Variants in ANKS1B observed in about 807,000 individuals in gnomAD.
ANKS1B encodes the protein ankyrin repeat and sterile alpha motif domain containing 1B, also known as ankyrin repeat and sterile alpha motif domain-containing protein 1B.
Under a neutral mutation model 148.3 loss-of-function variants are expected in ANKS1B, and 36 were observed. The ratio of observed to expected loss-of-function variants is 0.24; its 90% CI spans 0.19 to 0.32. ANKS1B has a LOEUF of 0.32. Ranked by LOEUF, ANKS1B falls within the 10% of genes least tolerant of loss-of-function variation. ANKS1B has a pLI of 1.00. For missense variants in ANKS1B, 1,157 were observed against 1,542.6 expected (o/e 0.75, Z 4.19); for synonymous variants, 542 against 560.8 (o/e 0.97, Z 0.47).
intron 17 of ANKS1B, among the ~76,000 whole-genome samples, chr12:99,037,296 C>T (rs1442678375): frequency 6.6e-6 from 1 of 152,092 alleles, no homozygotes; most frequent in Non-Finnish European, 1.5e-5. Flanking sequence ...GTGGGCAGAT[C>T]ACGAGGTCAG....
chr12:99,704,390 C>A (rs1001759587), intron 8 of ANKS1B, among the ~76,000 whole-genome samples: 5 of 151,974 alleles, frequency 3.3e-5, no homozygotes, highest in Admixed American at 3.3e-4. Flanking sequence ...AAATGAGTAT[C>A]CCTAGGGAGA....
At chr12:99,382,867 A>G (rs756596817) in intron 12 of ANKS1B, among the ~76,000 whole-genome samples, 1 of 152,102 alleles carries the variant, frequency 6.6e-6, no homozygotes, top group Non-Finnish European at 1.5e-5. Flanking sequence ...TCACTACAGT[A>G]GTTTTTGCTC....
intron 17 of ANKS1B, among the ~76,000 whole-genome samples, chr12:98,867,338 C>T (rs2099629797): frequency 6.6e-6 from 1 of 152,196 alleles, no homozygotes; most frequent in Non-Finnish European, 1.5e-5. Flanking sequence ...TCAAATAAAA[C>T]AATCTCTTTG....
chr12:99,137,878 C>G (rs2068697926), intron 15 of ANKS1B, among the ~76,000 whole-genome samples: 1 of 151,996 alleles, frequency 6.6e-6, no homozygotes, highest in Non-Finnish European at 1.5e-5. Flanking sequence ...TTCTGTGGAG[C>G]CTTGCCTGAT....
intron 11 of ANKS1B, among the ~76,000 whole-genome samples, chr12:99,441,142 T>C (rs893287846): frequency 6.6e-5 from 10 of 152,070 alleles, no homozygotes; most frequent in African/African-American, 2.2e-4. Context: ...CTCCACACTT[T>C]CTGCATTTTC....
intron 17 of ANKS1B, among the ~76,000 whole-genome samples, chr12:98,851,095 C>T (rs924458149): frequency 2.0e-5 from 3 of 152,212 alleles, no homozygotes; most frequent in African/African-American, 4.8e-5. Context: ...ATGGGAGCTA[C>T]AAACAATGCA....
intron 10 of ANKS1B, among the ~76,000 whole-genome samples, chr12:99,462,324 A>AAT (rs2095992690): frequency 6.6e-6 from 1 of 152,278 alleles, no homozygotes; most frequent in Non-Finnish European, 1.5e-5. Context: ...ACAAGTGTAT[A>AAT]ATAGTCCTGT....
chr12:99,247,082 T>C (rs2073958906), intron 12 of ANKS1B, among the ~76,000 whole-genome samples: 1 of 152,236 alleles, frequency 6.6e-6, no homozygotes, highest in Non-Finnish European at 1.5e-5. Context: ...TCATTCTTTC[T>C]GATATACCTT....
chr12:98,789,869 G>A (rs537384379), intron 22 of ANKS1B, among the ~76,000 whole-genome samples: 17 of 152,066 alleles, frequency 1.1e-4, no homozygotes, highest in East Asian at 3.9e-4. Context: ...TAAAATACAC[G>A]GTAAAACAGT....
chr12:98,834,892 C>CGT (rs1226108007), intron 17 of ANKS1B, among the ~76,000 whole-genome samples: 2 of 152,090 alleles, frequency 1.3e-5, no homozygotes, highest in African/African-American at 4.8e-5. Context: ...AGGTATTTTG[C>CGT]AAGTCTAAAT....
At chr12:99,072,546 G>A (rs1258808983) in intron 16 of ANKS1B, among the ~76,000 whole-genome samples, 1 of 152,102 alleles carries the variant, frequency 6.6e-6, no homozygotes, top group Non-Finnish European at 1.5e-5. Context: ...GCCCCTGCAA[G>A]ATTGCAAGTT....
chr12:99,313,566 A>C (rs2154027082), intron 12 of ANKS1B, among the ~76,000 whole-genome samples: 1 of 152,350 alleles, frequency 6.6e-6, no homozygotes, highest in African/African-American at 2.4e-5. Flanking sequence ...AAGCTTAGCC[A>C]CCACGATCAA....
chr12:99,465,933 C>T (rs1394705310), intron 10 of ANKS1B, among the ~76,000 whole-genome samples: 1 of 152,086 alleles, frequency 6.6e-6, no homozygotes, highest in Non-Finnish European at 1.5e-5. Context: ...CAGCTCTGCA[C>T]CAAGCAGACC....
chr12:99,433,490 T>A (rs1387988947), intron 11 of ANKS1B, among the ~76,000 whole-genome samples: 1 of 152,096 alleles, frequency 6.6e-6, no homozygotes, highest in Non-Finnish European at 1.5e-5. Context: ...TGCTAAGAGG[T>A]CCTGAACCAC....
chr12:99,246,890 G>A (rs764752111), intron 12 of ANKS1B, 26 bp from the exon 13 acceptor site: 1 of 1,530,634 alleles, frequency 6.5e-7, no homozygotes, highest in Non-Finnish European at 8.7e-7. Context: ...AGGGATATCA[G>A]GGTTTATAAA....
intron 8 of ANKS1B, among the ~76,000 whole-genome samples, chr12:99,736,955 A>C (rs2059670039): frequency 6.6e-6 from 1 of 152,130 alleles, no homozygotes; most frequent in African/African-American, 2.4e-5. Flanking sequence ...CAACATCACT[A>C]ATCATCAGGG....
At chr12:98,968,006 G>C (rs905067043) in intron 17 of ANKS1B, among the ~76,000 whole-genome samples, 1 of 152,080 alleles carries the variant, frequency 6.6e-6, no homozygotes. Flanking sequence ...ATTCAAGAGG[G>C]CATTTTTGGG....
chr12:98,930,339 A>G (rs932989147), intron 17 of ANKS1B, among the ~76,000 whole-genome samples: 6 of 152,180 alleles, frequency 3.9e-5, no homozygotes, highest in Non-Finnish European at 8.8e-5. Context: ...TGGTGGGATT[A>G]TAAAATGGTG....
intron 15 of ANKS1B, chr12:99,097,597 GTTC>G (rs1205260620): frequency 6.6e-6 from 1 of 152,128 alleles, no homozygotes; most frequent in Non-Finnish European, 1.5e-5. Flanking sequence ...AGAATATACA[GTTC>G]TTCATAATCA....
Sources: gnomAD v4.1 joint callset for allele counts (sites outside exome capture counted in the v4.1 genomes callset) on GRCh38, gnomAD v4.1.1 for gene constraint, MANE v1.5 for transcripts, NCBI Gene and HGNC (gene_info 2026-07-23, HGNC 2026-07-21) for gene names.